AKNA: variants seen among roughly 807,000 people sequenced by gnomAD.
AKNA encodes the protein AT-hook transcription factor.
AKNA carries 67 observed loss-of-function variants against 138.8 expected under a neutral mutation model. The ratio of observed to expected loss-of-function variants is 0.48; its 90% CI spans 0.40 to 0.59. The LOEUF is 0.59. Ranked by LOEUF, AKNA falls within the 20% of genes least tolerant of loss-of-function variation. The probability of loss-of-function intolerance (pLI) is 0.00; values close to 1 mark genes in which losing one functional copy is unlikely to be tolerated. For missense variants in AKNA, 1,813 were observed against 1,880.4 expected, an observed-to-expected ratio of 0.96 and a Z score of 0.66; for synonymous variants, 737 against 754.4, an observed-to-expected ratio of 0.98 and a Z score of 0.38.
intron 21 of AKNA, among the ~76,000 whole-genome samples, chr9:114,337,905 G>A (rs1830105128): frequency 6.6e-6 from 1 of 152,312 alleles, no homozygotes; most frequent in African/African-American, 2.4e-5. Context: ...GTGAGGTGTT[G>A]TTTTAAAGTG....
At chr9:114,342,482 C>T (rs570327418) in intron 19 of AKNA, among the ~76,000 whole-genome samples, 11 of 152,296 alleles carry the variant, frequency 7.2e-5, no homozygotes, top group African/African-American at 1.4e-4. Flanking sequence ...ATCCTAAGCC[C>T]GGGCTCTCCC....
chr9:114,358,211 C>T (rs1284961610), intron 11 of AKNA, 44 bp from the exon 12 acceptor site: 4 of 1,610,082 alleles, frequency 2.5e-6, no homozygotes, highest in Admixed American at 1.7e-5. Context: ...TGCCAGGCAG[C>T]CCTGACGCAG....
chr9:114,352,737 A>G (rs1275931931), intron 14 of AKNA, among the ~76,000 whole-genome samples: 1 of 152,186 alleles, frequency 6.6e-6, no homozygotes, highest in Non-Finnish European at 1.5e-5. Context: ...CCTGACCAAC[A>G]TGGTGAAACC....
intron 3 of AKNA, 135 bp downstream of exon 3, chr9:114,376,331 C>T: frequency 1.2e-6 from 1 of 844,758 alleles, no homozygotes; most frequent in Non-Finnish European, 1.9e-6. Flanking sequence ...CTAGGGCTTC[C>T]CACCCCAGCC....
Position 114,376,494 on chromosome 9 carries a change from T to A in AKNA, c.1313A>T (p.Gln438Leu). The A allele has an allele frequency of 6.2e-7, 1 of 1,613,878 alleles. No individual in the cohort carries two copies. The highest frequency in any genetic ancestry group is 1.1e-5 in the South Asian group (1 of 91,054). Residue 438 changes from glutamine (Q) to leucine (L), a missense_variant, in exon 3 of 22, where the codon CAA becomes CTA. Gln to Leu is a moderately radical substitution (Grantham distance 113). Transcript: ENST00000374088. ...RVPQEFQTPE[Q>L]ATELVHQLQE... is the part of the protein sequence containing the mutation. ...GAGCTGATGGACCAGCTCAGTGGCT[T>A]GCTCAGGCGTCTGAAATTCTTGGGG...
At chr9:114,331,004 GA>G, downstream of AKNA, 1 of 655,386 alleles carries the variant, frequency 1.5e-6, no homozygotes, top group South Asian at 1.9e-5. Flanking sequence ...CACGTGCTCA[GA>G]AAAAATCCCT....
Position 114,336,850 on chromosome 9 carries a change from G to A in AKNA, c.*204C>T, listed in dbSNP as rs1478463249. 7.2e-6 allele frequency: 4 copies of A among 558,480 alleles called. No homozygotes were observed. In the East Asian group the frequency reaches 1.3e-4, roughly 18 times the overall value. The allele number at this position is 558,480 out of a possible 1,614,324, so 34.6% of individuals were successfully genotyped here. ...TCTGTGAGGGGACTGGTGCTCCTGG[G>A]AAGTCACTTCTCTTGGTGACCGAGC... On this transcript the variant is annotated 3_prime_UTR_variant, in exon 22 of 22. Transcript: ENST00000374088.
rs1832207578 is a variant in AKNA, at chr9:114,364,611, G to A, written c.1737C>T (p.Ser579=). 7 of 1,613,812 alleles carry A rather than the reference G, an allele frequency of 4.3e-6. No homozygotes were observed. The highest frequency in any genetic ancestry group is 1.3e-5 in the African/African-American group (1 of 74,894). ...GTCCTGCCTGTATCAGTCTTTCAAA[G>A]GACTCCACCTGGACATTGGGAGGGG... ...QASQFLAKVE[S]FERLIQAGRL... is the part of the protein sequence containing the mutation. The change falls in exon 7 of 22, where the codon TCC becomes TCT. Residue 579 remains serine, a synonymous_variant. Transcript: ENST00000374088.
Position 114,380,981 on chromosome 9 carries a change from C to CAAAAAAAA in AKNA, c.274+71_274+78dup, listed in dbSNP as rs34055519. The CAAAAAAAA allele has an allele frequency of 5.7e-5, 63 of 1,110,488 alleles. No individual in the cohort carries two copies. In the African/African-American group the frequency reaches 1.4e-3, roughly 25 times the overall value. The allele number at this position is 1,110,488 out of a possible 1,614,324, so 68.8% of individuals were successfully genotyped here. A position where few individuals can be genotyped will look rare whatever the true frequency, so the allele number is the denominator to read the frequency against. ...CTGGCAATGAAGCAAGACTCTGTCTCAAAAAAAAAAAAAAAAAAAAGAACG... is the reference window on the plus strand; with the variant it reads ...CTGGCAATGAAGCAAGACTCTGTCTCAAAAAAAAAAAAAAAAAAAAAAAAAAAAGAACG... On this transcript the variant is annotated intron_variant, in intron 2 of 21. Coordinates refer to ENST00000374088, the MANE Select transcript of AKNA (RefSeq NM_001317950.2).
chr9:114,367,947 C>A (rs1242899148), intron 5 of AKNA, among the ~76,000 whole-genome samples: 2 of 152,256 alleles, frequency 1.3e-5, no homozygotes, highest in East Asian at 3.8e-4. Flanking sequence ...CCTCTGGGTT[C>A]CCAGTCAACA....
Position 114,381,336 on chromosome 9 carries a change from G to A in AKNA, c.-3C>T. 1.3e-6 allele frequency: 2 copies of A among 1,561,992 alleles called. No homozygotes were observed. The highest frequency in any genetic ancestry group is 1.7e-6 in the Non-Finnish European group (2 of 1,153,956). On this transcript the variant is annotated 5_prime_UTR_variant, in exon 2 of 22. Coordinates refer to ENST00000374088, the MANE Select transcript of AKNA (RefSeq NM_001317950.2). ...ATCTCAGTCTCCGAGCTGGCCATTG[G>A]GGCTGGCCTGGGCTTCACCTGGGCC... is the stretch of plus-strand genomic sequence containing the variant.
At chr9:114,383,434 C>A (rs1833825843) in intron 1 of AKNA, among the ~76,000 whole-genome samples, 1 of 152,228 alleles carries the variant, frequency 6.6e-6, no homozygotes, top group African/African-American at 2.4e-5. Flanking sequence ...AGCTCCCTGC[C>A]ATGGAGGGTT....
upstream of AKNA, among the ~76,000 whole-genome samples, chr9:114,389,457 G>A (rs554856122): frequency 1.3e-5 from 2 of 152,276 alleles, no homozygotes; most frequent in East Asian, 3.9e-4. Context: ...CTGTGGACCT[G>A]GGTTCAAATC....
At chr9:114,333,088 A>G, downstream of AKNA, 1 of 1,575,842 alleles carries the variant, frequency 6.3e-7, no homozygotes, top group Non-Finnish European at 8.6e-7. Context: ...GAGCCACTGG[A>G]GAAGCAGCAC....
chr9:114,373,223 G>T (rs1014312078), intron 4 of AKNA, among the ~76,000 whole-genome samples: 2 of 152,192 alleles, frequency 1.3e-5, no homozygotes, highest in Non-Finnish European at 2.9e-5. Flanking sequence ...GGCCGCACAG[G>T]TCCCACTTCC....
At position 114,352,800 on chromosome 9, in the gene AKNA, A is replaced by G. The variant is rs139212139; in HGVS notation, c.3059-1779T>C. On this transcript the variant is annotated intron_variant, in intron 14 of 21. Coordinates refer to ENST00000374088, the MANE Select transcript of AKNA (RefSeq NM_001317950.2). ...GCCAGGCGTGGTGGCGCGTGCCTAT[A>G]ATCCCAGCTTCTCAGGAGGCTGAGG... Among the ~76,000 whole-genome samples, 407 of 152,158 alleles carry G rather than the reference A, an allele frequency of 2.7e-3. 3 individuals carry two copies. Among genetic ancestry groups the G allele is most frequent in the African/African-American group, 9.5e-3 (394 of 41,492 alleles).
intron 4 of AKNA, 49 bp from the exon 5 acceptor site, chr9:114,368,644 C>T (rs1312841081): frequency 1.7e-5 from 22 of 1,314,072 alleles, no homozygotes; most frequent in African/African-American, 3.0e-5. Context: ...TAGGGGCAAA[C>T]CCACCTGAAA....
rs78401628 is a variant in AKNA at position 114,341,274 on chromosome 9, G to T, written c.4067+259C>A. On this transcript the variant is annotated intron_variant, in intron 21 of 21. Coordinates refer to ENST00000374088, the MANE Select transcript of AKNA (RefSeq NM_001317950.2). ...AAAGTTATAAGCTCCCAGAGGGCAG[G>T]GCCCTCTTGCTAGTCCCCTTCACTG... Among the ~76,000 whole-genome samples the T allele has an allele frequency of 4.2e-3, 635 of 152,272 alleles. 14 individuals carry two copies. Among genetic ancestry groups the T allele is most frequent in the South Asian group, 0.036 (173 of 4,822 alleles).
intron 14 of AKNA, 48 bp downstream of exon 14, chr9:114,355,877 G>C (rs763037323): frequency 1.1e-5 from 17 of 1,565,752 alleles, no homozygotes; most frequent in Non-Finnish European, 1.5e-5. Context: ...TTTTCTATTT[G>C]ATTTTTCAAC....
Sources: gnomAD v4.1 joint callset for allele counts (sites outside exome capture counted in the v4.1 genomes callset) on GRCh38, gnomAD v4.1.1 for gene constraint, MANE v1.5 for transcripts, NCBI Gene and HGNC (gene_info 2026-07-23, HGNC 2026-07-21) for gene names.